ZC3H11A: variants seen among roughly 807,000 people sequenced by gnomAD.
ZC3H11A encodes zinc finger CCCH-type containing 11A.
In ZC3H11A, 22 loss-of-function variants were observed where a neutral mutation model predicts 90.8. That is an observed-to-expected ratio of 0.24 (90% CI 0.17 to 0.35). ZC3H11A has a LOEUF of 0.35. Among genes scored for constraint, ZC3H11A ranks in the 10% least tolerant of loss-of-function variants. The pLI is 1.00. For missense variants in ZC3H11A, 701 were observed against 964.9 expected (o/e 0.73, Z 3.62); for synonymous variants, 294 against 339.8 (o/e 0.87, Z 1.48).
At chr1:203,799,799 T>TA (rs1669964050) in intron 1 of ZC3H11A, 1 of 1,310,052 alleles carries the variant, frequency 7.6e-7, no homozygotes, top group Admixed American at 2.0e-5. Context: ...GTGCCATGCT[T>TA]AAATCCAAGC....
chr1:203,831,001 A>G (rs562861302), intron 8 of ZC3H11A, among the ~76,000 whole-genome samples: 2 of 123,866 alleles, frequency 1.6e-5, no homozygotes, highest in South Asian at 2.7e-4. Context: ...GCTGGAGTGC[A>G]ATGGCGCAAT....
At chr1:203,848,690 G>A (rs61531686) in intron 14 of ZC3H11A, among the ~76,000 whole-genome samples, 17 of 152,182 alleles carry the variant, frequency 1.1e-4, no homozygotes, top group African/African-American at 3.6e-4. Flanking sequence ...GATTGAGACC[G>A]TCCTGGCTAA....
At chr1:203,851,328 GTTTT>G (rs1215266195) in intron 17 of ZC3H11A, among the ~76,000 whole-genome samples, 1 of 151,962 alleles carries the variant, frequency 6.6e-6, no homozygotes, top group Admixed American at 6.6e-5. Context: ...CCTAAAAGAT[GTTTT>G]TTTGTTTTTT....
At chr1:203,820,482 G>GTGTGTGTGTGTGTGTGTGTGTA (rs1266406820) in intron 4 of ZC3H11A, among the ~76,000 whole-genome samples, 2 of 151,852 alleles carry the variant, frequency 1.3e-5, no homozygotes, top group African/African-American at 2.4e-5. Context: ...GTGTGTGTGT[G>GTGTGTGTGTGTGTGTGTGTGTA]TATATTTTGA....
rs892459047 is a variant in ZC3H11A at position 203,829,548 on chromosome 1, C to A, written c.396C>A (p.Ser132=). ...AATTGTCTGTCCAGTCCAATCCTTC[C>A]CCTCAGCTGCGGAGCGTTATGAAAG... is the stretch of plus-strand genomic sequence containing the variant. The part of the protein sequence containing the change: ...QNKLSVQSNP[S]PQLRSVMKVE... Residue 132 remains serine (S), a synonymous_variant, in exon 6 of 18, where the codon TCC becomes TCA. Coordinates refer to ENST00000367210, the MANE Select transcript of ZC3H11A (RefSeq NM_001376342.1). 6.2e-7 allele frequency: 1 copy of A among 1,613,882 alleles called. No homozygotes were observed. The highest frequency in any genetic ancestry group is 1.6e-4 in the Middle Eastern group (1 of 6,084).
rs1346171769 is a variant in ZC3H11A, at chr1:203,837,942, AAACT to A, written c.875-21_875-18del. 2 of 1,597,942 alleles carry A rather than the reference AAACT, an allele frequency of 1.3e-6. No homozygotes were observed. Among genetic ancestry groups the A allele is most frequent in the Non-Finnish European group, 8.5e-7 (1 of 1,173,556 alleles). On this transcript the variant is annotated intron_variant, in intron 10 of 17. Transcript: ENST00000367210. ...TTGCTGAAGATTGACTTGAAATCTT[AAACT>A]AAGTTCTCCCTCTTTATAGGCGGTG... is the stretch of plus-strand genomic sequence containing the variant.
At chr1:203,833,955 C>A in intron 10 of ZC3H11A, 102 bp downstream of exon 10, 2 of 1,424,700 alleles carry the variant, frequency 1.4e-6, no homozygotes, top group South Asian at 1.6e-5. Flanking sequence ...TATTGGTGCC[C>A]CTGTATTGGC....
chr1:203,838,009 G>T lies in ZC3H11A; in HGVS notation c.918G>T (p.Arg306Ser). Residue 306 changes from arginine to serine, a missense_variant, in exon 11 of 18, where the codon AGG becomes AGT. By Grantham distance (110) the Arg-to-Ser change is moderately radical. Coordinates refer to ENST00000367210, the MANE Select transcript of ZC3H11A (RefSeq NM_001376342.1). ...DPPLKRSLAQ[R>S]LGKKVEAPET... is the part of the protein sequence containing the mutation. ...CATTAAAGCGTAGCCTGGCACAGAG[G>T]CTAGGGAAGAAAGTTGAAGCTCCAG... is the stretch of plus-strand genomic sequence containing the variant. The T allele has an allele frequency of 1.9e-6, 3 of 1,614,190 alleles. No homozygotes were observed. The highest frequency in any genetic ancestry group is 2.5e-6 in the Non-Finnish European group (3 of 1,180,022).
At chr1:203,834,262 GTGCT>G (rs1233900452) in intron 10 of ZC3H11A, among the ~76,000 whole-genome samples, 1 of 152,046 alleles carries the variant, frequency 6.6e-6, no homozygotes, top group Non-Finnish European at 1.5e-5. Flanking sequence ...GAGTCTATTG[GTGCT>G]TGCTTATTTA....
At chr1:203,835,912 TA>T (rs1437156132) in intron 10 of ZC3H11A, 6 of 216,608 alleles carry the variant, frequency 2.8e-5, no homozygotes, top group Non-Finnish European at 5.1e-5. Flanking sequence ...CTTCCAGACA[TA>T]CTTCCTTTAA....
intron 8 of ZC3H11A, among the ~76,000 whole-genome samples, chr1:203,830,829 A>G (rs1478450439): frequency 6.7e-6 from 1 of 150,238 alleles, no homozygotes; most frequent in Non-Finnish European, 1.5e-5. Context: ...AAAAGGAAAA[A>G]CGTCATTTTC....
intron 1 of ZC3H11A, chr1:203,797,479 A>G: frequency 6.9e-7 from 1 of 1,444,970 alleles, no homozygotes; most frequent in Non-Finnish European, 9.0e-7. Flanking sequence ...TGAGTAATAA[A>G]CCCACTAACA....
At chr1:203,817,159 C>T (rs757899063) in intron 3 of ZC3H11A, 35 bp downstream of exon 3, 2 of 1,536,276 alleles carry the variant, frequency 1.3e-6, no homozygotes, top group African/African-American at 1.4e-5. Context: ...GTTCTTTCTA[C>T]AATTTGCTTA....
chr1:203,838,535 A>T (rs1685083217), intron 11 of ZC3H11A, among the ~76,000 whole-genome samples: 1 of 152,254 alleles, frequency 6.6e-6, no homozygotes, highest in South Asian at 2.1e-4. Flanking sequence ...GGTATGCTCA[A>T]GGAACTGCAT....
chr1:203,840,509 A>G, intron 12 of ZC3H11A, 135 bp downstream of exon 12: 1 of 815,926 alleles, frequency 1.2e-6, no homozygotes, highest in East Asian at 2.8e-5. Context: ...TTTTTTAAGT[A>G]ATTGATCAAG....
chr1:203,822,563 G>A (rs185990523), intron 4 of ZC3H11A, among the ~76,000 whole-genome samples: 1 of 151,924 alleles, frequency 6.6e-6, no homozygotes, highest in Non-Finnish European at 1.5e-5. Context: ...GGTTCCCTTG[G>A]GAATACCCTG....
Position 203,816,907 on chromosome 1 carries a change from C to T in ZC3H11A, c.-145-19C>T. On this transcript the variant is annotated intron_variant, in intron 2 of 17. Transcript: ENST00000367210. ...AGAATTTACCTGAAATATTTTAATT[C>T]ATTGTCTCCTCATTTTAGGATTACA... The T allele has an allele frequency of 1.9e-6, 1 of 520,202 alleles. No homozygotes were observed. Among genetic ancestry groups the T allele is most frequent in the Non-Finnish European group, 3.5e-6 (1 of 288,696 alleles). The allele number at this position is 520,202 out of a possible 1,614,324, so 32.2% of individuals were successfully genotyped here. A position where few individuals can be genotyped will look rare whatever the true frequency, so the allele number is the denominator to read the frequency against.
chr1:203,831,591 C>CA, intron 8 of ZC3H11A, 70 bp from the exon 9 acceptor site: 1 of 1,421,640 alleles, frequency 7.0e-7, no homozygotes, highest in Non-Finnish European at 9.7e-7. Flanking sequence ...GTTACAAAAA[C>CA]AAATTTTTTG....
chr1:203,834,221 G>GA (rs1336486150), intron 10 of ZC3H11A: 5 of 333,974 alleles, frequency 1.5e-5, no homozygotes, highest in Non-Finnish European at 1.3e-5. Flanking sequence ...GAAGAAAGAA[G>GA]AAAGTATGTA....
Sources: gnomAD v4.1 joint callset for allele counts (sites outside exome capture counted in the v4.1 genomes callset) on GRCh38, gnomAD v4.1.1 for gene constraint, MANE v1.5 for transcripts, NCBI Gene and HGNC (gene_info 2026-07-23, HGNC 2026-07-21) for gene names.